Variants in WDR19 observed in about 807,000 individuals in gnomAD.
WDR19 encodes the protein WD repeat-containing protein 19.
A neutral mutation model predicts 180.0 loss-of-function variants in WDR19; 121 were observed. The ratio of observed to expected loss-of-function variants is 0.67; its 90% CI spans 0.58 to 0.78. The LOEUF (loss-of-function observed/expected upper bound fraction) is 0.78. Ranked by LOEUF, WDR19 falls within the 30% of genes least tolerant of loss-of-function variation. WDR19 has a pLI of 0.00. For synonymous variants in WDR19, 497 were observed against 540.7 expected (o/e 0.92, Z 1.12); for missense variants, 1,450 against 1,640.7 (o/e 0.88, Z 2.01).
intron 2 of WDR19, among the ~76,000 whole-genome samples, 191 bp downstream of exon 2, chr4:39,186,008 C>A (rs1196585475): frequency 6.6e-6 from 1 of 151,686 alleles, no homozygotes; most frequent in African/African-American, 2.4e-5. Context: ...TGAACCTGGC[C>A]TCAGTAAAAG....
chr4:39,269,141 A>C (rs1340509883), intron 30 of WDR19, among the ~76,000 whole-genome samples: 1 of 151,982 alleles, frequency 6.6e-6, no homozygotes. Flanking sequence ...AAAGGGAGGG[A>C]AAATCAGGCC....
rs1727626179 is a variant in WDR19, at chr4:39,203,871, C to T, written c.603+149C>T. The T allele has an allele frequency of 4.0e-6, 3 of 753,430 alleles. No homozygotes were observed. The Admixed American group carries it at 7.0e-5, about 18-fold the overall frequency. The allele number at this position is 753,430 out of a possible 1,614,324, so 46.7% of individuals were successfully genotyped here. ...CAAGGTAGAGCTAGGTCTTTTAGTC[C>T]CTAAAAGTTGTTGTAATTGCTACTG... On this transcript the variant is annotated intron_variant, in intron 7 of 36. Coordinates refer to ENST00000399820, the MANE Select transcript of WDR19 (RefSeq NM_025132.4).
chr4:39,256,928 C>G (rs901286316), intron 27 of WDR19, among the ~76,000 whole-genome samples: 1 of 151,876 alleles, frequency 6.6e-6, no homozygotes. Context: ...CTCAGAGCAC[C>G]TATTAAAAAA....
chr4:39,274,520 T>C (rs1391816033), intron 32 of WDR19: 3 of 353,242 alleles, frequency 8.5e-6, no homozygotes, highest in Non-Finnish European at 1.6e-5. Flanking sequence ...AAAAAATATC[T>C]AAGAGGCATG....
At chr4:39,258,854 G>A (rs2109458563) in intron 28 of WDR19, among the ~76,000 whole-genome samples, 1 of 152,226 alleles carries the variant, frequency 6.6e-6, no homozygotes, top group Admixed American at 6.5e-5. Flanking sequence ...GATCACTTGA[G>A]GTCAGGACTT....
chr4:39,281,259 A>AGAGAGAGAGAGAGAGAGAGAGAGAAAGC (rs1405687425), intron 36 of WDR19, among the ~76,000 whole-genome samples: 1 of 148,398 alleles, frequency 6.7e-6, no homozygotes. Context: ...AGAGAGAGAG[A>AGAGAGAGAGAGAGAGAGAGAGAGAAAGC]GAGAAAGCCT....
intron 14 of WDR19, among the ~76,000 whole-genome samples, chr4:39,224,429 A>G (rs1730019931): frequency 6.6e-6 from 1 of 151,870 alleles, no homozygotes; most frequent in African/African-American, 2.4e-5. Context: ...TGCCCAGGCT[A>G]GAGTGCAATG....
At chr4:39,279,765 G>A (rs1328878812) in intron 36 of WDR19, among the ~76,000 whole-genome samples, 1 of 142,222 alleles carries the variant, frequency 7.0e-6, no homozygotes, top group Non-Finnish European at 1.5e-5. Flanking sequence ...ACAGTGGCAT[G>A]ATCTCGGCTT....
intron 7 of WDR19, among the ~76,000 whole-genome samples, chr4:39,204,168 C>T (rs1727680321): frequency 6.6e-6 from 1 of 151,962 alleles, no homozygotes; most frequent in Admixed American, 6.6e-5. Flanking sequence ...TCACCGCAAC[C>T]TCCACCTCCT....
chr4:39,233,441 C>G (rs1424523622), intron 19 of WDR19, among the ~76,000 whole-genome samples: 3 of 152,140 alleles, frequency 2.0e-5, no homozygotes, highest in Non-Finnish European at 4.4e-5. Flanking sequence ...AGAATAATAT[C>G]TAACCCACGG....
intron 1 of WDR19, 66 bp downstream of exon 1, chr4:39,182,629 A>C (rs952908559): frequency 1.2e-6 from 2 of 1,607,362 alleles, no homozygotes; most frequent in Non-Finnish European, 1.7e-6. Context: ...GGTCGCTTTT[A>C]AAAGAGGATA....
rs999094247 is a variant in WDR19 at position 39,274,966 on chromosome 4, G to C, written c.3716+8G>C. The C allele has an allele frequency of 6.2e-7, 1 of 1,613,240 alleles. No individual in the cohort carries two copies. Among genetic ancestry groups the C allele is most frequent in the African/African-American group, 1.3e-5 (1 of 74,612 alleles). On this transcript the variant is annotated splice_region_variant and intron_variant, in intron 33 of 36. Transcript: ENST00000399820. Reference sequence around the variant, plus strand: ...GATCGAGGGAATGGTCAGGTAGGCAGAGATGGCTATTTCTGCTATCTAATC... The same window carrying C: ...GATCGAGGGAATGGTCAGGTAGGCACAGATGGCTATTTCTGCTATCTAATC...
chr4:39,248,952 G>A (rs1732829807), intron 24 of WDR19, among the ~76,000 whole-genome samples: 2 of 152,144 alleles, frequency 1.3e-5, no homozygotes, highest in African/African-American at 4.8e-5. Context: ...CAACGAGACA[G>A]AAAGTTAACA....
intron 34 of WDR19, among the ~76,000 whole-genome samples, chr4:39,277,856 C>A (rs1236311074): frequency 6.6e-6 from 1 of 152,070 alleles, no homozygotes; most frequent in African/African-American, 2.4e-5. Context: ...GAGTTGAAGA[C>A]CAGCCTGGCC....
chr4:39,271,038 G>A (rs868141521), intron 31 of WDR19, among the ~76,000 whole-genome samples: 5 of 151,850 alleles, frequency 3.3e-5, no homozygotes, highest in Non-Finnish European at 7.4e-5. Context: ...GGGATTACAG[G>A]CAAATGCCAC....
intron 29 of WDR19, 94 bp downstream of exon 29, chr4:39,266,234 T>C: frequency 8.4e-7 from 1 of 1,192,466 alleles, no homozygotes; most frequent in Non-Finnish European, 1.1e-6. Flanking sequence ...AACATAGACA[T>C]GAAAAATTTT....
At chr4:39,197,668 A>G (rs1726909908) in intron 5 of WDR19, among the ~76,000 whole-genome samples, 1 of 152,058 alleles carries the variant, frequency 6.6e-6, no homozygotes, top group Non-Finnish European at 1.5e-5. Flanking sequence ...AAAAAAATAT[A>G]TAGTTTTTGC....
chr4:39,268,151 C>T, intron 30 of WDR19, 60 bp downstream of exon 30: 1 of 1,443,974 alleles, frequency 6.9e-7, no homozygotes, highest in Non-Finnish European at 9.4e-7. Flanking sequence ...AGCCCCAGCC[C>T]CTTTTCTGTG....
Position 39,215,984 on chromosome 4 carries a change from G to A in WDR19, c.1105G>A (p.Glu369Lys). Residue 369 changes from glutamate (E) to lysine (K), a missense_variant, in exon 11 of 37, where the codon GAA (glutamate) becomes AAA (lysine). By Grantham distance (56) the Glu-to-Lys change is moderately conservative (BLOSUM62 1). Coordinates refer to ENST00000399820, the MANE Select transcript of WDR19 (RefSeq NM_025132.4). Reference protein sequence around the residue: ...TRIAYLTSLLEVTVANPVEGE... With the variant: ...TRIAYLTSLLKVTVANPVEGE... ...GATTGCCTATCTCACCTCCCTCCTT[G>A]AAGTCACCGTAGCCAACCCTGTTGA... is the stretch of plus-strand genomic sequence containing the variant. The A allele has an allele frequency of 1.2e-6, 2 of 1,609,956 alleles. No individual in the cohort carries two copies. The highest frequency in any genetic ancestry group is 2.2e-5 in the East Asian group (1 of 44,746).
Sources: gnomAD v4.1 joint callset for allele counts (sites outside exome capture counted in the v4.1 genomes callset) on GRCh38, gnomAD v4.1.1 for gene constraint, MANE v1.5 for transcripts, NCBI Gene and HGNC (gene_info 2026-07-23, HGNC 2026-07-21) for gene names.